The following PMFBP1 variants were observed in gnomAD, a reference collection of about 807,000 sequenced individuals.
PMFBP1 encodes the protein polyamine modulated factor 1 binding protein 1, also known as polyamine-modulated factor 1-binding protein 1.
Under a neutral mutation model 137.8 loss-of-function variants are expected in PMFBP1, and 131 were observed. That is an observed-to-expected ratio of 0.95 (90% CI 0.82 to 1.10). The LOEUF is 1.10. Ranked by LOEUF, PMFBP1 falls within the 50% of genes least tolerant of loss-of-function variation. The pLI is 0.00. For missense variants in PMFBP1, 1,199 were observed against 1,175.4 expected, an observed-to-expected ratio of 1.02 and a Z score of -0.29; for synonymous variants, 490 against 450.4, an observed-to-expected ratio of 1.09 and a Z score of -1.11.
chr16:72,153,617 C>T (rs888789649), intron 4 of PMFBP1, among the ~76,000 whole-genome samples: 1 of 151,496 alleles, frequency 6.6e-6, no homozygotes, highest in South Asian at 2.1e-4. Flanking sequence ...TGGTACTCTT[C>T]GGCTTAGAAA....
chr16:72,165,171 T>C (rs1356011880), intron 2 of PMFBP1, among the ~76,000 whole-genome samples: 1 of 152,174 alleles, frequency 6.6e-6, no homozygotes, highest in African/African-American at 2.4e-5. Flanking sequence ...CAACAGACAA[T>C]TCCCCTGTTT....
chr16:72,191,714 G>C, the PMFBP1 span, among the ~76,000 whole-genome samples: 5 of 152,058 alleles, frequency 3.3e-5, no homozygotes, highest in Non-Finnish European at 7.4e-5. Flanking sequence ...TTCTCCAGCA[G>C]GGAGGAGTTC....
At chr16:72,179,439 C>A (rs554841306), upstream of PMFBP1, among the ~76,000 whole-genome samples, 1 of 152,140 alleles carries the variant, frequency 6.6e-6, no homozygotes, top group African/African-American at 2.4e-5. Flanking sequence ...GCAACCTCAT[C>A]CGCAATGCAG....
chr16:72,170,460 G>A lies in PMFBP1; in HGVS notation c.12+737C>T, dbSNP rs190310943. ...TGCTGTTGTTGTTGTTTGAGACAGG[G>A]TCTTTGTCGCCCCGGCTGGAATGCA... On this transcript the variant is annotated intron_variant, in intron 2 of 20. Transcript: ENST00000237353. Among the ~76,000 whole-genome samples the A allele has an allele frequency of 9.3e-4, 142 of 152,182 alleles. No individual in the cohort carries two copies. In the Middle Eastern group the frequency reaches 0.01, roughly 11 times the overall value.
the PMFBP1 span, among the ~76,000 whole-genome samples, chr16:72,206,535 A>G: frequency 6.6e-6 from 1 of 152,212 alleles, no homozygotes; most frequent in East Asian, 1.9e-4. Flanking sequence ...TGATCTAACC[A>G]CTTTCTGGGA....
chr16:72,158,948 T>C (rs1029581836), intron 3 of PMFBP1, among the ~76,000 whole-genome samples: 2 of 152,086 alleles, frequency 1.3e-5, no homozygotes, highest in Non-Finnish European at 2.9e-5. Context: ...TGAGCTATGG[T>C]CACACCACTG....
chr16:72,164,373 T>G (rs928736102), intron 3 of PMFBP1: 3 of 1,282,290 alleles, frequency 2.3e-6, no homozygotes, highest in Non-Finnish European at 3.1e-6. Context: ...ACTGATACCT[T>G]AGAGCAGGTG....
At position 72,122,946 on chromosome 16, in the gene PMFBP1, C is replaced by A; in HGVS notation, c.2736G>T (p.Val912=). 6.2e-7 allele frequency: 1 copy of A among 1,613,432 alleles called. No homozygotes were observed. Among genetic ancestry groups the A allele is most frequent in the Non-Finnish European group, 8.5e-7 (1 of 1,179,994 alleles). Residue 912 remains valine, a synonymous_variant, in exon 19 of 21, where the codon GTG becomes GTT. Coordinates refer to ENST00000237353, the MANE Select transcript of PMFBP1 (RefSeq NM_031293.3). ...CGCCACTCAGCTTGGCAATGTATTT[C>A]ACCTGCTCTCGGAGCTGGTTTCCTA... ...EKLGNQLREQ[V]KYIAKLSGEK... is the part of the protein sequence containing the mutation.
intron 4 of PMFBP1, among the ~76,000 whole-genome samples, chr16:72,152,826 C>G (rs2042922016): frequency 8.6e-6 from 1 of 116,464 alleles, no homozygotes; most frequent in South Asian, 2.7e-4. Context: ...GCCTGGGCGA[C>G]AGATTGAGAC....
the PMFBP1 span, among the ~76,000 whole-genome samples, chr16:72,225,418 A>C: frequency 6.6e-6 from 1 of 152,114 alleles, no homozygotes; most frequent in East Asian, 1.9e-4. Context: ...GGCCCGGCAC[A>C]GTGGCTTATG....
At chr16:72,209,238 T>A in the PMFBP1 span, among the ~76,000 whole-genome samples, 951 of 152,336 alleles carry the variant, frequency 6.2e-3, 6 homozygotes, top group Admixed American at 0.012. Flanking sequence ...ACTCCAAGCA[T>A]CCCAGGTAGG....
rs2042499245 is a variant in PMFBP1 at position 72,128,665 on chromosome 16, T to A, written c.2080A>T (p.Asn694Tyr). The A allele has an allele frequency of 6.2e-7, 1 of 1,614,158 alleles. No homozygotes were observed. The highest frequency in any genetic ancestry group is 1.3e-5 in the African/African-American group (1 of 75,044). ...NTSQQVIQDL[N>Y]KEIALQKESL... is the part of the protein sequence containing the mutation. ...GGTTCCTGTCTACTCACCTCTTTAT[T>A]CAAGTCTTGGATGACTTGCTGGCTG... is the stretch of plus-strand genomic sequence containing the variant. The change falls in exon 14 of 21, where the codon AAT (asparagine) becomes TAT (tyrosine). Residue 694 changes from asparagine to tyrosine, a missense_variant. Physicochemically the swap from Asn to Tyr is moderately radical, Grantham distance 143 (BLOSUM62 -2). Coordinates refer to ENST00000237353, the MANE Select transcript of PMFBP1 (RefSeq NM_031293.3).
chr16:72,167,421 A>G (rs1324498726), intron 2 of PMFBP1, among the ~76,000 whole-genome samples: 4 of 152,182 alleles, frequency 2.6e-5, no homozygotes, highest in African/African-American at 9.7e-5. Context: ...ACTTCCAGAA[A>G]AATAACAGTG....
At chr16:72,221,490 C>T in the PMFBP1 span, among the ~76,000 whole-genome samples, 3 of 152,032 alleles carry the variant, frequency 2.0e-5, no homozygotes, top group East Asian at 1.9e-4. Context: ...GTCTGTCAAG[C>T]GGAACTTGGA....
chr16:72,160,523 T>C (rs975784574), intron 3 of PMFBP1, among the ~76,000 whole-genome samples: 1 of 152,226 alleles, frequency 6.6e-6, no homozygotes, highest in Admixed American at 6.5e-5. Flanking sequence ...TTTTATTCCC[T>C]GTTCTAGTTT....
At chr16:72,162,835 A>G (rs577762831) in intron 3 of PMFBP1, among the ~76,000 whole-genome samples, 1 of 152,254 alleles carries the variant, frequency 6.6e-6, no homozygotes, top group African/African-American at 2.4e-5. Context: ...TCATGACAGC[A>G]ATGGTGAAAA....
the PMFBP1 span, among the ~76,000 whole-genome samples, chr16:72,227,651 G>C: frequency 6.6e-6 from 1 of 152,126 alleles, no homozygotes; most frequent in Non-Finnish European, 1.5e-5. Flanking sequence ...TTGCTCAGGA[G>C]GCAGAATGGT....
Position 72,119,338 on chromosome 16 carries a change from C to A in PMFBP1, c.3024G>T (p.Ter1008TyrextTer27), listed in dbSNP as rs1406250612. The A allele has an allele frequency of 3.1e-6, 5 of 1,614,010 alleles. No individual in the cohort carries two copies. In the African/African-American group the frequency reaches 6.7e-5, roughly 22 times the overall value. ...MPHCPGSSYC[*>Y] ...TGCTGCTCAGGGCTAGATGTGGATT[C>A]TAGCAGTATGAGGAACCTGAGGGAA... Residue 1008 changes from the stop codon to tyrosine, a stop_lost, in exon 21 of 21, where the codon TAG becomes TAT. Transcript: ENST00000237353.
chr16:72,209,994 A>G, the PMFBP1 span, among the ~76,000 whole-genome samples: 2 of 152,150 alleles, frequency 1.3e-5, no homozygotes, highest in African/African-American at 2.4e-5. Flanking sequence ...CTTTCACCCT[A>G]TGGGTAGTAA....
Sources: allele counts gnomAD v4.1 joint callset (sites outside exome capture counted in the v4.1 genomes callset), GRCh38; gene constraint gnomAD v4.1.1; transcripts MANE v1.5; gene names NCBI Gene and HGNC (gene_info 2026-07-23, HGNC 2026-07-21).